The following CADM2 variants were observed in gnomAD, a reference collection of about 807,000 sequenced individuals.
CADM2 encodes immunoglobulin superfamily member 4D.
Under a neutral mutation model 49.8 loss-of-function variants are expected in CADM2, and 12 were observed. The ratio of observed to expected loss-of-function variants is 0.24; its 90% CI spans 0.15 to 0.39. CADM2 has a LOEUF of 0.39. Ranked by LOEUF, CADM2 falls within the 10% of genes least tolerant of loss-of-function variation. CADM2 has a pLI of 1.00. For synonymous variants in CADM2, 214 were observed against 175.4 expected (o/e 1.22, Z -1.74); for missense variants, 378 against 492.3 (o/e 0.77, Z 2.20).
At chr3:85,030,724 C>T (rs969690925) in intron 1 of CADM2, among the ~76,000 whole-genome samples, 1 of 152,134 alleles carries the variant, frequency 6.6e-6, no homozygotes, top group African/African-American at 2.4e-5. Flanking sequence ...ACACCTTTCC[C>T]TCCCAGCCAG....
Position 85,502,883 on chromosome 3 carries a change from T to A in CADM2, c.62-223639T>A, listed in dbSNP as rs914698489. Among the ~76,000 whole-genome samples, 4 of 152,162 alleles carry A rather than the reference T, an allele frequency of 2.6e-5. No individual in the cohort carries two copies. The East Asian group carries it at 7.7e-4, about 29-fold the overall frequency. ...TGTCAACAGAAAGTATTTCTTCTATTCCCTCATGATATAACCTTTTTTTGA... is the reference window on the plus strand; with the variant it reads ...TGTCAACAGAAAGTATTTCTTCTATACCCTCATGATATAACCTTTTTTTGA... On this transcript the variant is annotated intron_variant, in intron 1 of 9. Coordinates refer to ENST00000383699, the MANE Select transcript of CADM2 (RefSeq NM_001167675.2).
intron 6 of CADM2, among the ~76,000 whole-genome samples, chr3:85,919,628 A>T (rs1042732266): frequency 1.3e-5 from 2 of 151,922 alleles, no homozygotes; most frequent in Non-Finnish European, 2.9e-5. Context: ...CATGCGAATT[A>T]CTAATAAAGT....
Position 85,737,833 on chromosome 3 carries a change from C to A in CADM2, c.88+11285C>A, listed in dbSNP as rs1293236668. On this transcript the variant is annotated intron_variant, in intron 2 of 9. Coordinates refer to ENST00000383699, the MANE Select transcript of CADM2 (RefSeq NM_001167675.2). ...GCTGCCTCCCAAACTGCTGGGGTTA[C>A]AGGCGTGAGCCACTGTGCCAGGCCT... Among the ~76,000 whole-genome samples, 3 of 152,194 alleles carry A rather than the reference C, an allele frequency of 2.0e-5. No individual in the cohort carries two copies. In the South Asian group the frequency reaches 6.2e-4, roughly 31 times the overall value.
intron 1 of CADM2, among the ~76,000 whole-genome samples, chr3:85,304,143 G>A (rs1333667189): frequency 6.6e-6 from 1 of 151,770 alleles, no homozygotes; most frequent in Non-Finnish European, 1.5e-5. Context: ...ATGTAGATTT[G>A]ATTTAGGTTT....
At chr3:85,935,948 T>G in intron 7 of CADM2, 91 bp downstream of exon 7, 1 of 656,400 alleles carries the variant, frequency 1.5e-6, no homozygotes, top group Non-Finnish European at 2.6e-6. Flanking sequence ...CCACAGTTTG[T>G]GTCTTTTCTT....
chr3:85,947,879 G>A (rs1166922085), intron 7 of CADM2, among the ~76,000 whole-genome samples: 1 of 151,424 alleles, frequency 6.6e-6, no homozygotes, highest in Non-Finnish European at 1.5e-5. Context: ...TAGATCCATA[G>A]AGGAAATGTA....
At chr3:85,556,309 A>C (rs886539221) in intron 1 of CADM2, among the ~76,000 whole-genome samples, 1 of 152,080 alleles carries the variant, frequency 6.6e-6, no homozygotes, top group Admixed American at 6.6e-5. Flanking sequence ...CCTGTTGAAT[A>C]GGCTTTGGAG....
intron 1 of CADM2, among the ~76,000 whole-genome samples, chr3:85,587,829 CA>C (rs1208569869): frequency 6.6e-6 from 1 of 151,932 alleles, no homozygotes; most frequent in Non-Finnish European, 1.5e-5. Flanking sequence ...ACTGCAGCCT[CA>C]ACCCCCAGTA....
intron 1 of CADM2, among the ~76,000 whole-genome samples, chr3:85,012,314 A>G (rs1285116575): frequency 6.8e-6 from 1 of 147,238 alleles, no homozygotes; most frequent in Non-Finnish European, 1.5e-5. Context: ...CTTTTTGCAA[A>G]ATGCTTTTTT....
At chr3:85,809,702 TC>T (rs2072699682) in intron 3 of CADM2, among the ~76,000 whole-genome samples, 1 of 129,412 alleles carries the variant, frequency 7.7e-6, no homozygotes, top group African/African-American at 3.0e-5. Context: ...CTTCCTTCCT[TC>T]CTTCCTTCCT....
chr3:85,483,549 A>G (rs2039297839), intron 1 of CADM2, among the ~76,000 whole-genome samples: 1 of 150,904 alleles, frequency 6.6e-6, no homozygotes, highest in Non-Finnish European at 1.5e-5. Flanking sequence ...GTACAGATAC[A>G]CATTTTATAA....
intron 2 of CADM2, among the ~76,000 whole-genome samples, chr3:85,764,191 T>C (rs2069540022): frequency 6.6e-6 from 1 of 152,126 alleles, no homozygotes; most frequent in Non-Finnish European, 1.5e-5. Context: ...AAGGATTTTA[T>C]AAATATAAAA....
chr3:85,746,617 T>G (rs1428225290), intron 2 of CADM2, among the ~76,000 whole-genome samples: 1 of 152,098 alleles, frequency 6.6e-6, no homozygotes, highest in Non-Finnish European at 1.5e-5. Context: ...CTGCAGCTCC[T>G]GAATAAAAGT....
rs4465953 is a variant in CADM2 at position 85,809,495 on chromosome 3, G to A, written c.238+7299G>A. On this transcript the variant is annotated intron_variant, in intron 3 of 9. Transcript: ENST00000383699. Reference sequence around the variant, plus strand: ...AATCCCAGCTACTCGGGAGTCTGAAGCAAGAGAATTGCTTGAACCCAGGAG... The same window carrying A: ...AATCCCAGCTACTCGGGAGTCTGAAACAAGAGAATTGCTTGAACCCAGGAG... Among the ~76,000 whole-genome samples the A allele has an allele frequency of 5.4e-4, 82 of 152,220 alleles. 2 individuals carry two copies. The East Asian group carries it at 0.015, about 28-fold the overall frequency.
At chr3:85,046,876 C>A (rs1559633474) in intron 1 of CADM2, among the ~76,000 whole-genome samples, 1 of 151,934 alleles carries the variant, frequency 6.6e-6, no homozygotes, top group Non-Finnish European at 1.5e-5. Flanking sequence ...AATATATATT[C>A]TCTTTCAGTG....
chr3:85,990,535 A>T (rs1457158812), intron 8 of CADM2, among the ~76,000 whole-genome samples: 1 of 152,208 alleles, frequency 6.6e-6, no homozygotes, highest in Non-Finnish European at 1.5e-5. Flanking sequence ...AGGATAGAGG[A>T]CGCATTATGG....
At chr3:85,906,273 T>C (rs1226071331) in intron 5 of CADM2, among the ~76,000 whole-genome samples, 2 of 152,176 alleles carry the variant, frequency 1.3e-5, no homozygotes, top group African/African-American at 4.8e-5. Context: ...TATATGTACC[T>C]GGTTCTTGTA....
At chr3:85,787,235 T>A (rs929743128) in intron 2 of CADM2, among the ~76,000 whole-genome samples, 1 of 152,072 alleles carries the variant, frequency 6.6e-6, no homozygotes, top group Non-Finnish European at 1.5e-5. Context: ...TAGATAACAA[T>A]CCTGTTTTAT....
chr3:85,853,464 A>G (rs1333905847), intron 3 of CADM2, among the ~76,000 whole-genome samples: 3 of 152,106 alleles, frequency 2.0e-5, no homozygotes, highest in Admixed American at 2.0e-4. Flanking sequence ...AAAGCCTTAA[A>G]TGTATCAAAT....
Sources: allele counts gnomAD v4.1 joint callset (sites outside exome capture counted in the v4.1 genomes callset), GRCh38; gene constraint gnomAD v4.1.1; transcripts MANE v1.5; gene names NCBI Gene and HGNC (gene_info 2026-07-23, HGNC 2026-07-21).